ERBB4: variants seen among roughly 807,000 people sequenced by gnomAD.
ERBB4 encodes the protein receptor tyrosine-protein kinase erbB-4.
In ERBB4, 42 loss-of-function variants were observed where a neutral mutation model predicts 158.0. The observed-to-expected ratio is 0.27, with a 90% confidence interval of 0.21 to 0.34. ERBB4 has a LOEUF of 0.34. ERBB4 is among the 10% of genes least tolerant of loss of function. The pLI is 1.00. For missense variants in ERBB4, 1,333 were observed against 1,624.1 expected (o/e 0.82, Z 3.08); for synonymous variants, 583 against 558.7 (o/e 1.04, Z -0.61).
intron 1 of ERBB4, among the ~76,000 whole-genome samples, chr2:212,444,319 G>A (rs1376327657): frequency 1.3e-5 from 2 of 152,190 alleles, no homozygotes; most frequent in Non-Finnish European, 2.9e-5. Flanking sequence ...GCAGAACTTT[G>A]AGCAGTACAC....
intron 12 of ERBB4, among the ~76,000 whole-genome samples, chr2:211,699,661 T>C (rs1343864201): frequency 1.3e-5 from 2 of 152,150 alleles, no homozygotes; most frequent in South Asian, 4.1e-4. Context: ...GCTTCATTTT[T>C]TTCCCCAAAC....
chr2:212,487,763 A>ATAT (rs1178561202), intron 1 of ERBB4, among the ~76,000 whole-genome samples: 2 of 152,162 alleles, frequency 1.3e-5, no homozygotes, highest in Non-Finnish European at 2.9e-5. Flanking sequence ...GCAGTCTAAA[A>ATAT]TATCAAGCAT....
intron 1 of ERBB4, among the ~76,000 whole-genome samples, chr2:212,239,127 C>A (rs1300567558): frequency 6.6e-6 from 1 of 152,184 alleles, no homozygotes; most frequent in East Asian, 1.9e-4. Context: ...AGTCATAGCT[C>A]ACTGTAGCCG....
chr2:212,003,220 G>A (rs201106920), intron 2 of ERBB4, among the ~76,000 whole-genome samples: 3,367 of 34,690 alleles, frequency 0.097, 200 homozygotes, highest in South Asian at 0.17. Flanking sequence ...AAAGAAGGAA[G>A]GAAGGAAGGA....
At chr2:211,715,732 A>C (rs2106096491) in intron 7 of ERBB4, among the ~76,000 whole-genome samples, 1 of 152,104 alleles carries the variant, frequency 6.6e-6, no homozygotes, top group East Asian at 1.9e-4. Flanking sequence ...GCTTCTCTTC[A>C]CCTTCACTGT....
intron 2 of ERBB4, among the ~76,000 whole-genome samples, chr2:212,067,441 A>G (rs1303679660): frequency 6.6e-6 from 1 of 152,010 alleles, no homozygotes; most frequent in Non-Finnish European, 1.5e-5. Context: ...TTATCTACCT[A>G]TAGATTAAGT....
At chr2:211,888,343 C>T (rs183890501) in intron 3 of ERBB4, among the ~76,000 whole-genome samples, 1,794 of 152,294 alleles carry the variant, frequency 0.012, 40 homozygotes, top group African/African-American at 0.041. Context: ...TGACTTTAAA[C>T]ATTATACTTA....
At chr2:211,667,260 T>C (rs187137739) in intron 14 of ERBB4, among the ~76,000 whole-genome samples, 67 of 152,188 alleles carry the variant, frequency 4.4e-4, no homozygotes, top group Middle Eastern at 3.4e-3. Context: ...ATATTACAAA[T>C]TGGTTACTTA....
At chr2:211,785,085 T>A (rs1288834229) in intron 4 of ERBB4, among the ~76,000 whole-genome samples, 1 of 151,264 alleles carries the variant, frequency 6.6e-6, no homozygotes, top group Non-Finnish European at 1.5e-5. Flanking sequence ...TACCTTTTGA[T>A]GCACAGCCTT....
rs184461493 is a variant in ERBB4 at position 212,204,697 on chromosome 2, C to A, written c.83-79794G>T. Among the ~76,000 whole-genome samples the A allele has an allele frequency of 9.9e-3, 1,332 of 133,960 alleles. 15 individuals carry two copies. Among genetic ancestry groups the A allele is most frequent in the Non-Finnish European group, 0.017 (1,074 of 61,928 alleles). The allele number at this position is 133,960 out of a possible 152,430, so 87.9% of individuals were successfully genotyped here. A position where few individuals can be genotyped will look rare whatever the true frequency, so the allele number is the denominator to read the frequency against. Reference sequence around the variant, plus strand: ...GAGTGACAGAGTGAGACTCTGTCCCCCACAAAAAAAACAAAAAAAAAAACA... The same window carrying A: ...GAGTGACAGAGTGAGACTCTGTCCCACACAAAAAAAACAAAAAAAAAAACA... On this transcript the variant is annotated intron_variant, in intron 1 of 27. Coordinates refer to ENST00000342788, the MANE Select transcript of ERBB4 (RefSeq NM_005235.3).
At chr2:212,199,113 C>A (rs2082517832) in intron 1 of ERBB4, among the ~76,000 whole-genome samples, 1 of 152,104 alleles carries the variant, frequency 6.6e-6, no homozygotes, top group South Asian at 2.1e-4. Flanking sequence ...TAAATCCCCA[C>A]TCACAATGCA....
chr2:211,765,321 G>A (rs1455336180), intron 4 of ERBB4, among the ~76,000 whole-genome samples: 2 of 151,990 alleles, frequency 1.3e-5, no homozygotes, highest in Non-Finnish European at 2.9e-5. Flanking sequence ...CCTGAAATAT[G>A]GTCAGATAAA....
At chr2:211,790,371 T>G (rs2076254085) in intron 3 of ERBB4, among the ~76,000 whole-genome samples, 1 of 152,010 alleles carries the variant, frequency 6.6e-6, no homozygotes, top group Non-Finnish European at 1.5e-5. Flanking sequence ...AGAGTGTATA[T>G]TTTTCAGGAG....
At chr2:211,773,623 TA>T (rs1232822810) in intron 4 of ERBB4, among the ~76,000 whole-genome samples, 1,005 of 66,554 alleles carry the variant, frequency 0.015, 54 homozygotes, top group Middle Eastern at 0.042. Flanking sequence ...TATATATATA[TA>T]TATATATATA....
At chr2:211,880,961 G>A (rs900343725) in intron 3 of ERBB4, among the ~76,000 whole-genome samples, 1 of 152,092 alleles carries the variant, frequency 6.6e-6, no homozygotes, top group African/African-American at 2.4e-5. Context: ...TCAATTAGTG[G>A]AGCTTACTCA....
chr2:212,261,234 A>G (rs1316597361), intron 1 of ERBB4, among the ~76,000 whole-genome samples: 2 of 152,228 alleles, frequency 1.3e-5, no homozygotes, highest in Non-Finnish European at 2.9e-5. Context: ...ACAAGGTTAC[A>G]CAAAGGATAT....
At chr2:211,912,229 T>C (rs1022532566) in intron 3 of ERBB4, among the ~76,000 whole-genome samples, 1 of 152,128 alleles carries the variant, frequency 6.6e-6, no homozygotes, top group South Asian at 2.1e-4. Flanking sequence ...TGTGCACATC[T>C]TTAGGCAGGT....
chr2:211,576,749 AATGT>A (rs2125758221), intron 19 of ERBB4, among the ~76,000 whole-genome samples: 1 of 152,252 alleles, frequency 6.6e-6, no homozygotes, highest in Non-Finnish European at 1.5e-5. Flanking sequence ...TATAATTATA[AATGT>A]ATGATATAAA....
chr2:212,120,404 T>C (rs1031604299), intron 2 of ERBB4, among the ~76,000 whole-genome samples: 2 of 152,166 alleles, frequency 1.3e-5, no homozygotes, highest in Non-Finnish European at 2.9e-5. Flanking sequence ...ATCTAGACAA[T>C]AGTTCATATA....
Sources: allele counts gnomAD v4.1 joint callset (sites outside exome capture counted in the v4.1 genomes callset), GRCh38; gene constraint gnomAD v4.1.1; transcripts MANE v1.5; gene names NCBI Gene and HGNC (gene_info 2026-07-23, HGNC 2026-07-21).